RASA2: variants seen among roughly 807,000 people sequenced by gnomAD.
RASA2 encodes RAS p21 protein activator 2.
Under a neutral mutation model 118.2 loss-of-function variants are expected in RASA2, and 155 were observed. The observed-to-expected ratio is 1.31, with a 90% CI of 1.15 to 1.50. RASA2 has a LOEUF of 1.50. Ranked by LOEUF, RASA2 falls within the 40% of genes most tolerant of loss-of-function variation. The pLI is 0.00. For synonymous variants in RASA2, 353 were observed against 349.1 expected, an observed-to-expected ratio of 1.01 and a Z score of -0.12; for missense variants, 1,016 against 1,009.6, an observed-to-expected ratio of 1.01 and a Z score of -0.09.
Position 141,609,924 on chromosome 3 carries a change from G to A in RASA2, c.2377G>A (p.Asp793Asn). 1 of 1,605,286 alleles carries A rather than the reference G, an allele frequency of 6.2e-7. No homozygotes were observed. Among genetic ancestry groups the A allele is most frequent in the Non-Finnish European group, 8.5e-7 (1 of 1,176,522 alleles). The change falls in exon 23 of 24, where the codon GAT (aspartate) becomes AAT (asparagine). Residue 793 changes from aspartate to asparagine, a missense_variant. This residue lies in a region of RASA2 where 120 missense variants were observed against 173.2 expected (regional missense o/e 0.69). Coordinates refer to ENST00000286364, the MANE Select transcript of RASA2 (RefSeq NM_006506.5). ...CTATCAAGGACCACAGAAAGAGCCT[G>A]ATGATTATTCTAACTTTGTAATCGA... ...AVYQGPQKEP[D>N]DYSNFVIEDS...
At chr3:141,584,155 A>G (rs1451628150) in intron 17 of RASA2, among the ~76,000 whole-genome samples, 1 of 151,858 alleles carries the variant, frequency 6.6e-6, no homozygotes, top group Non-Finnish European at 1.5e-5. Context: ...ATATGGTTAA[A>G]CCCTGTCTCT....
rs142572326 is a variant in RASA2 at position 141,502,117 on chromosome 3, A to G, written c.134-10046A>G. 2.4e-3 allele frequency among the ~76,000 whole-genome samples: 362 copies of G among 152,330 alleles called. 3 individuals are homozygous for G. Among genetic ancestry groups the G allele is most frequent in the African/African-American group, 8.2e-3 (339 of 41,568 alleles). On this transcript the variant is annotated intron_variant, in intron 1 of 23. Coordinates refer to ENST00000286364, the MANE Select transcript of RASA2 (RefSeq NM_006506.5). ...AACTGGTAAGTATATATAATGCAAC[A>G]TTTCAAAATGTAAAAACATTTGAAA... is the stretch of plus-strand genomic sequence containing the variant.
At chr3:141,585,253 C>A (rs2083182099) in intron 17 of RASA2, among the ~76,000 whole-genome samples, 1 of 152,132 alleles carries the variant, frequency 6.6e-6, no homozygotes, top group Non-Finnish European at 1.5e-5. Flanking sequence ...CCTAGGGTAG[C>A]ACCCCACAAT....
At chr3:141,489,657 C>A (rs2081617022) in intron 1 of RASA2, among the ~76,000 whole-genome samples, 1 of 152,146 alleles carries the variant, frequency 6.6e-6, no homozygotes, top group Non-Finnish European at 1.5e-5. Context: ...TTTCTTATTT[C>A]TGGACTTGCA....
chr3:141,571,327 T>A (rs765527187), intron 10 of RASA2, 79 bp from the exon 11 acceptor site: 13 of 1,509,614 alleles, frequency 8.6e-6, no homozygotes, highest in Non-Finnish European at 1.2e-5. Flanking sequence ...TTATTTCAGT[T>A]ACTTTTACAG....
In RASA2 at chr3:141,571,565, T is replaced by C; in HGVS notation, c.1169+11T>C. ...CTTGAAGGATACACAGTAAGAGTTA[T>C]ATTTTATTAAATGTTAATTACATGT... On this transcript the variant is annotated intron_variant, in intron 11 of 23. Coordinates refer to ENST00000286364, the MANE Select transcript of RASA2 (RefSeq NM_006506.5). The C allele has an allele frequency of 1.3e-6, 2 of 1,584,008 alleles. No homozygotes were observed. Among genetic ancestry groups the C allele is most frequent in the South Asian group, 1.2e-5 (1 of 85,842 alleles).
At chr3:141,495,553 A>G (rs2081690383) in intron 1 of RASA2, among the ~76,000 whole-genome samples, 1 of 152,264 alleles carries the variant, frequency 6.6e-6, no homozygotes, top group African/African-American at 2.4e-5. Flanking sequence ...TTACAAAAAA[A>G]GGAAAGTTTA....
At chr3:141,587,465 A>G (rs560626092) in intron 19 of RASA2, among the ~76,000 whole-genome samples, 1 of 152,208 alleles carries the variant, frequency 6.6e-6, no homozygotes, top group East Asian at 1.9e-4. Context: ...TAATCCTAGC[A>G]CTTTGGGAGG....
intron 3 of RASA2, among the ~76,000 whole-genome samples, chr3:141,527,475 C>CA (rs1181245153): frequency 6.6e-6 from 1 of 152,014 alleles, no homozygotes; most frequent in Non-Finnish European, 1.5e-5. Context: ...GTAAGAGCTT[C>CA]AGCTATAGGA....
At chr3:141,530,153 G>A (rs1274082510) in intron 4 of RASA2, among the ~76,000 whole-genome samples, 1 of 152,076 alleles carries the variant, frequency 6.6e-6, no homozygotes, top group African/African-American at 2.4e-5. Flanking sequence ...ATCCCTGGAA[G>A]TCTGATTTTG....
chr3:141,489,591 G>A (rs558642637), intron 1 of RASA2, among the ~76,000 whole-genome samples: 1 of 152,310 alleles, frequency 6.6e-6, no homozygotes, highest in East Asian at 1.9e-4. Flanking sequence ...CTGATTGAGA[G>A]CCTCTTTTCT....
chr3:141,567,351 G>T (rs1188043558), intron 9 of RASA2, among the ~76,000 whole-genome samples: 1 of 152,060 alleles, frequency 6.6e-6, no homozygotes. Context: ...GGGAGGCAGA[G>T]GTTCAGTGAG....
intron 3 of RASA2, among the ~76,000 whole-genome samples, chr3:141,523,274 C>G (rs2082138248): frequency 6.6e-6 from 1 of 152,014 alleles, no homozygotes; most frequent in South Asian, 2.1e-4. Flanking sequence ...TACAAATACC[C>G]ACCCCCACAC....
rs371467254 is a variant in RASA2 at position 141,572,218 on chromosome 3, A to G, written c.1170-391A>G. Among the ~76,000 whole-genome samples, 46 of 151,868 alleles carry G rather than the reference A, an allele frequency of 3.0e-4. No individual in the cohort carries two copies. The East Asian group carries it at 8.1e-3, about 27-fold the overall frequency. On this transcript the variant is annotated intron_variant, in intron 11 of 23. Transcript: ENST00000286364. ...GCGATTCTCATGCCTCAGCCTCCTG[A>G]GTAGCTGGGATTACAGGCACTCGCC...
chr3:141,585,642 TAAA>T (rs957478868), intron 17 of RASA2, among the ~76,000 whole-genome samples: 2 of 150,278 alleles, frequency 1.3e-5, no homozygotes, highest in African/African-American at 4.9e-5. Context: ...CTACTAAAAA[TAAA>T]AAAAAATAGC....
intron 9 of RASA2, among the ~76,000 whole-genome samples, chr3:141,561,550 A>G (rs912101155): frequency 6.6e-6 from 1 of 152,248 alleles, no homozygotes; most frequent in African/African-American, 2.4e-5. Context: ...TTGTAAGGAA[A>G]CATAAAAATG....
intron 1 of RASA2, 102 bp downstream of exon 1, chr3:141,487,318 C>T: frequency 2.6e-6 from 3 of 1,161,214 alleles, no homozygotes; most frequent in Non-Finnish European, 3.2e-6. Flanking sequence ...GCGCTGGGAT[C>T]GCGGGCCCGG....
At chr3:141,498,276 GAA>G (rs1173744423) in intron 1 of RASA2, among the ~76,000 whole-genome samples, 1 of 152,146 alleles carries the variant, frequency 6.6e-6, no homozygotes, top group African/African-American at 2.4e-5. Flanking sequence ...CAAGTTTTCA[GAA>G]AGTCTTTATG....
chr3:141,514,132 G>T (rs1224611042), intron 2 of RASA2, among the ~76,000 whole-genome samples: 1 of 152,036 alleles, frequency 6.6e-6, no homozygotes, highest in Non-Finnish European at 1.5e-5. Context: ...AAATTAAATG[G>T]CAAGCCACAC....
Sources: gnomAD v4.1 joint callset for allele counts (sites outside exome capture counted in the v4.1 genomes callset) on GRCh38, gnomAD v4.1.1 for gene constraint, gnomAD v4.1.1 regional missense constraint, MANE v1.5 for transcripts, NCBI Gene and HGNC (gene_info 2026-07-23, HGNC 2026-07-21) for gene names.